MAN1B1: variants seen among roughly 807,000 people sequenced by gnomAD.
MAN1B1 encodes endoplasmic reticulum mannosyl-oligosaccharide 1,2-alpha-mannosidase.
A neutral mutation model predicts 75.5 loss-of-function variants in MAN1B1; 66 were observed. That is an observed-to-expected ratio of 0.87 (90% CI 0.72 to 1.07). The LOEUF is 1.07. MAN1B1 is among the 50% of genes least tolerant of loss of function. MAN1B1 has a pLI of 0.00. For missense variants in MAN1B1, 973 were observed against 912.5 expected (o/e 1.07, Z -0.85); for synonymous variants, 453 against 382.8 (o/e 1.18, Z -2.14).
intron 2 of MAN1B1, chr9:137,088,443 G>A (rs953939819): frequency 1.8e-5 from 27 of 1,542,398 alleles, no homozygotes; most frequent in Non-Finnish European, 2.4e-5. Flanking sequence ...TAAGTCAGCT[G>A]GTGGGCTTGA....
intron 9 of MAN1B1, 41 bp from the exon 10 acceptor site, chr9:137,106,648 G>C: frequency 6.2e-7 from 1 of 1,612,488 alleles, no homozygotes; most frequent in South Asian, 1.1e-5. Context: ...GGGAGCCGAT[G>C]CACCGTCCTG....
In MAN1B1 at chr9:137,092,805, G is replaced by A. The variant is rs11793243; in HGVS notation, c.466-3432G>A. ...AGTCAGAAACTGGCGCCTGCTTTTC[G>A]TGGATGCTTGTGTGTCTTGCCTAGA... On this transcript the variant is annotated intron_variant, in intron 3 of 12. Transcript: ENST00000371589. Among the ~76,000 whole-genome samples the A allele has an allele frequency of 4.2e-3, 641 of 152,300 alleles. 4 individuals are homozygous for A. Among genetic ancestry groups the A allele is most frequent in the Non-Finnish European group, 6.4e-3 (432 of 68,030 alleles).
chr9:137,101,415 G>C lies in MAN1B1; in HGVS notation c.1066-69G>C. The C allele has an allele frequency of 2.1e-6, 3 of 1,454,520 alleles. No individual in the cohort carries two copies. In the South Asian group the frequency reaches 3.4e-5, roughly 17 times the overall value. 90.1% of individuals were successfully genotyped at this position (1,454,520 alleles called of 1,614,324 possible). A position where few individuals can be genotyped will look rare whatever the true frequency, so the allele number is the denominator to read the frequency against. On this transcript the variant is annotated intron_variant, in intron 7 of 12. Transcript: ENST00000371589. ...GAGCCTTCAGTGTCTCCACTGAACT[G>C]CATGAAAGGGTGTAGACGAGGCCTC... is the stretch of plus-strand genomic sequence containing the variant.
At position 137,106,515 on chromosome 9, in the gene MAN1B1, G is replaced by C. The variant is rs985488715; in HGVS notation, c.1446-174G>C. 5 of 1,109,438 alleles carry C rather than the reference G, an allele frequency of 4.5e-6. No homozygotes were observed. In the Admixed American group the frequency reaches 5.9e-5, roughly 13 times the overall value. The allele number at this position is 1,109,438 out of a possible 1,614,324, so 68.7% of individuals were successfully genotyped here. On this transcript the variant is annotated intron_variant, in intron 9 of 12. Coordinates refer to ENST00000371589, the MANE Select transcript of MAN1B1 (RefSeq NM_016219.5). ...ATTCACCTCTCACCGTGGCCTCTGG[G>C]GGGGTGAGGGGGGCATCTTCACTGA...
intron 5 of MAN1B1, among the ~76,000 whole-genome samples, chr9:137,098,976 C>T (rs991785130): frequency 2.0e-5 from 3 of 152,186 alleles, no homozygotes; most frequent in South Asian, 2.1e-4. Flanking sequence ...ATTATAGGCA[C>T]CCGCCACCAC....
rs199585767 is a variant in MAN1B1 at position 137,106,652 on chromosome 9, C to T, written c.1446-37C>T. ...TGGTGCCCCACGGGAGCCGATGCAC[C>T]GTCCTGGTAGAGTGAGATGACTGCT... On this transcript the variant is annotated intron_variant, in intron 9 of 12. Transcript: ENST00000371589. 5.6e-5 allele frequency: 91 copies of T among 1,612,682 alleles called. No individual in the cohort carries two copies. In the East Asian group the frequency reaches 8.2e-4, roughly 15 times the overall value.
intron 3 of MAN1B1, 63 bp downstream of exon 3, chr9:137,089,068 T>C: frequency 6.3e-7 from 1 of 1,583,858 alleles, no homozygotes. Flanking sequence ...TTCAAACCAC[T>C]GAAGATTGAG....
chr9:137,108,926 C>T lies in MAN1B1; in HGVS notation c.*335C>T, dbSNP rs1035288580. On this transcript the variant is annotated 3_prime_UTR_variant, in exon 13 of 13. Transcript: ENST00000371589. The stretch of plus-strand genomic sequence containing the variant: ...AGGTGGTCCCTGGTACTGGGGTGAC[C>T]GAGTGGACAGCCCAGGGTGCAGCTC... 4 of 500,322 alleles carry T rather than the reference C, an allele frequency of 8.0e-6. No individual in the cohort carries two copies. Among genetic ancestry groups the T allele is most frequent in the Non-Finnish European group, 1.6e-5 (4 of 256,476 alleles). The allele number at this position is 500,322 out of a possible 1,614,324, so 31.0% of individuals were successfully genotyped here.
intron 8 of MAN1B1, chr9:137,103,000 A>T (rs930452752): frequency 2.3e-6 from 1 of 426,140 alleles, no homozygotes; most frequent in Non-Finnish European, 4.6e-6. Context: ...TCTTACATTC[A>T]TACTGTTGCA....
chr9:137,106,764 C>T lies in MAN1B1; in HGVS notation c.1521C>T (p.Leu507=), dbSNP rs779463352. The T allele has an allele frequency of 1.2e-6, 2 of 1,613,476 alleles. No homozygotes were observed. The highest frequency in any genetic ancestry group is 1.7e-6 in the Non-Finnish European group (2 of 1,179,980). ...TGCGGCACTCCGAGCCCAGTAAGCT[C>T]ACCTTTGTGGGGGAGCTTGCCCACG... The part of the protein sequence containing the change: ...HLLRHSEPSK[L]TFVGELAHGR... Residue 507 remains leucine, a synonymous_variant, in exon 10 of 13, where the codon CTC becomes CTT. Coordinates refer to ENST00000371589, the MANE Select transcript of MAN1B1 (RefSeq NM_016219.5).
intron 5 of MAN1B1, 134 bp downstream of exon 5, chr9:137,098,071 G>T (rs1830706214): frequency 1.5e-6 from 1 of 685,130 alleles, no homozygotes; most frequent in Non-Finnish European, 2.6e-6. Flanking sequence ...TCCCCCTGTT[G>T]TCTGAGTCCT....
chr9:137,089,323 G>C (rs572639511), intron 3 of MAN1B1: 1 of 415,406 alleles, frequency 2.4e-6, no homozygotes, highest in Non-Finnish European at 4.5e-6. Context: ...GGCAGAGGCA[G>C]ATGGCACATG....
At position 137,097,933 on chromosome 9, in the gene MAN1B1, A is replaced by C. The variant is rs1411075161; in HGVS notation, c.726A>C (p.Thr242=). 1 of 1,554,642 alleles carries C rather than the reference A, an allele frequency of 6.4e-7. No homozygotes were observed. Among genetic ancestry groups the C allele is most frequent in the East Asian group, 2.4e-5 (1 of 41,270 alleles). The change falls in exon 5 of 13, where the codon ACA becomes ACC. Residue 242 remains threonine, a synonymous_variant. Transcript: ENST00000371589. ...PPLPPARTQG[T]PVHLNYRQKG... Reference sequence around the variant, plus strand: ...TGCCACCGGCCAGGACACAGGGCACACCAGGTGAGGCCACACCTGCACCCC... The same window carrying C: ...TGCCACCGGCCAGGACACAGGGCACCCCAGGTGAGGCCACACCTGCACCCC...
At chr9:137,106,071 C>A (rs776904142) in intron 8 of MAN1B1, 54 bp from the exon 9 acceptor site, 1 of 1,434,958 alleles carries the variant, frequency 7.0e-7, no homozygotes, top group Non-Finnish European at 9.8e-7. Context: ...CTCTACAGCT[C>A]ACCCTGCAGC....
At chr9:137,106,967 A>G (rs1218929035) in intron 10 of MAN1B1, among the ~76,000 whole-genome samples, 158 bp downstream of exon 10, 7 of 152,230 alleles carry the variant, frequency 4.6e-5, no homozygotes, top group Admixed American at 4.6e-4. Flanking sequence ...TCTTGGCAAC[A>G]GGGCAGTAAG....
chr9:137,092,638 T>G (rs956166246), intron 3 of MAN1B1, among the ~76,000 whole-genome samples: 6 of 152,252 alleles, frequency 3.9e-5, no homozygotes, highest in African/African-American at 1.4e-4. Context: ...AGTTAAAGGT[T>G]GTGAAGATTT....
chr9:137,087,669 G>A (rs1051333730), intron 1 of MAN1B1: 1 of 403,944 alleles, frequency 2.5e-6, no homozygotes, highest in African/African-American at 2.1e-5. Flanking sequence ...CATCGCCTGG[G>A]CGGTGCCTGG....
rs11790092 is a variant in MAN1B1 at position 137,107,809 on chromosome 9, A to G, written c.1896+147A>G. The G allele has an allele frequency of 0.31, 345,793 of 1,118,042 alleles. 59,154 individuals are homozygous for G. Among genetic ancestry groups the G allele is most frequent in the Non-Finnish European group, 0.36 (270,513 of 757,132 alleles). The allele number at this position is 1,118,042 out of a possible 1,614,324, so 69.3% of individuals were successfully genotyped here. On this transcript the variant is annotated intron_variant, in intron 12 of 12. Coordinates refer to ENST00000371589, the MANE Select transcript of MAN1B1 (RefSeq NM_016219.5). ...CTTGCCGCAGCCTCGGGGTGGCCAC[A>G]CTGCAGCTTGGGGGCCCTGGCATCC... is the stretch of plus-strand genomic sequence containing the variant.
intron 6 of MAN1B1, 80 bp downstream of exon 6, chr9:137,099,961 G>A: frequency 1.3e-6 from 2 of 1,498,416 alleles, no homozygotes; most frequent in South Asian, 1.1e-5. Context: ...TTGCACACGG[G>A]GTGAAAGCTG....
Sources: allele counts gnomAD v4.1 joint callset (sites outside exome capture counted in the v4.1 genomes callset), GRCh38; gene constraint gnomAD v4.1.1; transcripts MANE v1.5; gene names NCBI Gene and HGNC (gene_info 2026-07-23, HGNC 2026-07-21).